The following UGT2B4 variants were observed in gnomAD, a reference collection of about 807,000 sequenced individuals.
The protein encoded by UGT2B4 is UDP glucuronosyltransferase family 2 member B4, also known as UDP-glucuronosyltransferase 2B4.
UGT2B4 carries 49 observed loss-of-function variants against 49.8 expected under a neutral mutation model. The ratio of observed to expected loss-of-function variants is 0.98; its 90% CI spans 0.78 to 1.25. The LOEUF is 1.25. Among genes scored for constraint, UGT2B4 ranks in the 50% most tolerant of loss-of-function variants. UGT2B4 has a pLI of 0.00. For synonymous variants in UGT2B4, 246 were observed against 217.7 expected, an observed-to-expected ratio of 1.13 and a Z score of -1.14; for missense variants, 729 against 627.7, an observed-to-expected ratio of 1.16 and a Z score of -1.73.
intron 1 of UGT2B4, among the ~76,000 whole-genome samples, chr4:69,510,965 T>C (rs1040993547): frequency 2.7e-5 from 4 of 149,432 alleles, no homozygotes; most frequent in Non-Finnish European, 5.9e-5. Context: ...GGGCTTTTCA[T>C]AAATACTCTT....
chr4:69,511,340 A>G (rs934096003), intron 1 of UGT2B4, among the ~76,000 whole-genome samples: 1 of 151,736 alleles, frequency 6.6e-6, no homozygotes. Context: ...TTGTTGAGAG[A>G]CTTTTTTCTT....
intron 1 of UGT2B4, among the ~76,000 whole-genome samples, chr4:69,510,794 T>C (rs987528446): frequency 6.6e-6 from 1 of 152,046 alleles, no homozygotes; most frequent in African/African-American, 2.4e-5. Flanking sequence ...CTGTGTTATA[T>C]ACTTTTATTT....
intron 1 of UGT2B4, among the ~76,000 whole-genome samples, chr4:69,504,001 G>A (rs187157506): frequency 6.6e-6 from 1 of 152,292 alleles, no homozygotes; most frequent in African/African-American, 2.4e-5. Context: ...CAGAAACAAA[G>A]CCAATTGGCT....
At chr4:69,498,083 G>T (rs775252747), upstream of UGT2B4, among the ~76,000 whole-genome samples, 3 of 152,172 alleles carry the variant, frequency 2.0e-5, no homozygotes, top group Non-Finnish European at 4.4e-5. Context: ...TTTAATTAAG[G>T]TGTGTACTTT....
chr4:69,490,715 G>T (rs564849151), intron 2 of UGT2B4, among the ~76,000 whole-genome samples: 7 of 152,216 alleles, frequency 4.6e-5, no homozygotes, highest in Admixed American at 2.6e-4. Context: ...TTTAAAATAT[G>T]ATTTTTAATC....
upstream of UGT2B4, among the ~76,000 whole-genome samples, chr4:69,496,985 A>G (rs1192101944): frequency 6.6e-6 from 1 of 151,884 alleles, no homozygotes; most frequent in Non-Finnish European, 1.5e-5. Context: ...CCTGTAGTAC[A>G]TTCAGTATTA....
intron 1 of UGT2B4, among the ~76,000 whole-genome samples, chr4:69,503,089 G>A (rs542148716): frequency 3.9e-5 from 6 of 152,182 alleles, no homozygotes; most frequent in East Asian, 1.9e-4. Context: ...ACCATCAAAG[G>A]CCATCTCTTT....
chr4:69,497,699 G>A (rs1167883493), upstream of UGT2B4, among the ~76,000 whole-genome samples: 4 of 152,116 alleles, frequency 2.6e-5, no homozygotes, highest in Non-Finnish European at 5.9e-5. Context: ...ATCTACTCCT[G>A]GTGAAGATTA....
intron 3 of UGT2B4, 81 bp from the exon 4 acceptor site, chr4:69,486,777 A>G (rs1727800460): frequency 1.8e-6 from 2 of 1,088,772 alleles, no homozygotes; most frequent in African/African-American, 1.6e-5. Context: ...GAGATTAACA[A>G]TGAGAAGAAC....
intron 1 of UGT2B4, among the ~76,000 whole-genome samples, chr4:69,494,155 C>T (rs935628112): frequency 6.6e-6 from 1 of 151,982 alleles, no homozygotes; most frequent in African/African-American, 2.4e-5. Flanking sequence ...TGTAAACCTT[C>T]GATAGTAGCA....
Position 69,483,059 on chromosome 4 carries a change from T to C in UGT2B4, c.1310+2149A>G, listed in dbSNP as rs548723904. Among the ~76,000 whole-genome samples, 88 of 152,328 alleles carry C rather than the reference T, an allele frequency of 5.8e-4. 1 individual carries two copies. The highest frequency in any genetic ancestry group is 1.9e-3 in the African/African-American group (79 of 41,586). ...ATATAGCAATAGGCTTACAAATTTA[T>C]ACATATATTTTCCTATATAATTGAG... On this transcript the variant is annotated intron_variant, in intron 5 of 5. Transcript: ENST00000305107.
intron 1 of UGT2B4, among the ~76,000 whole-genome samples, chr4:69,494,883 G>C (rs41299984): frequency 1.4e-3 from 219 of 152,204 alleles, no homozygotes; most frequent in African/African-American, 4.8e-3. Context: ...ATTGCTTAAA[G>C]AAATCTTAGG....
intron 1 of UGT2B4, among the ~76,000 whole-genome samples, chr4:69,516,685 C>A (rs181146397): frequency 1.3e-5 from 2 of 151,838 alleles, no homozygotes; most frequent in Non-Finnish European, 2.9e-5. Context: ...CGGCTCACTG[C>A]AACCTCCACC....
chr4:69,489,162 C>A (rs564024908), intron 3 of UGT2B4, among the ~76,000 whole-genome samples: 3 of 152,102 alleles, frequency 2.0e-5, no homozygotes, highest in Admixed American at 2.0e-4. Flanking sequence ...CTTACCTGAC[C>A]CCAGTATCAT....
rs763963351 is a variant in UGT2B4, at chr4:69,493,720, G to C, written c.843C>G (p.His281Gln). Residue 281 changes from histidine (H) to glutamine (Q), a missense_variant, in exon 2 of 6, where the codon CAC becomes CAG. By Grantham distance (24) the His-to-Gln change is conservative. Coordinates refer to ENST00000305107, the MANE Select transcript of UGT2B4 (RefSeq NM_021139.3). The part of the protein sequence containing the change: ...LPNVEFVGGL[H>Q]CKPAKPLPKE... ...TCGGTAGGGGTTTGGCAGGTTTGCA[G>C]TGGAGTCCTCCAACGAACTCAACAT... 2 of 1,609,616 alleles carry C rather than the reference G, an allele frequency of 1.2e-6. No individual in the cohort carries two copies. Among genetic ancestry groups the C allele is most frequent in the Non-Finnish European group, 1.7e-6 (2 of 1,178,386 alleles).
intron 2 of UGT2B4, among the ~76,000 whole-genome samples, chr4:69,491,418 T>C (rs1281034613): frequency 2.0e-5 from 3 of 152,128 alleles, no homozygotes; most frequent in Non-Finnish European, 4.4e-5. Flanking sequence ...ATTTTTTCTC[T>C]GTATGATTTC....
At chr4:69,483,364 C>T (rs1286489356) in intron 5 of UGT2B4, among the ~76,000 whole-genome samples, 4 of 151,982 alleles carry the variant, frequency 2.6e-5, no homozygotes, top group African/African-American at 9.7e-5. Flanking sequence ...ATATAGAATA[C>T]ATATGTATGA....
At chr4:69,515,370 CACACCA>C (rs1299691915) in intron 1 of UGT2B4, among the ~76,000 whole-genome samples, 7 of 152,050 alleles carry the variant, frequency 4.6e-5, no homozygotes, top group African/African-American at 1.7e-4. Context: ...TCACTAAATC[CACACCA>C]ACATATGGAA....
chr4:69,510,838 C>G (rs375955387), intron 1 of UGT2B4, among the ~76,000 whole-genome samples: 1 of 151,936 alleles, frequency 6.6e-6, no homozygotes, highest in Non-Finnish European at 1.5e-5. Context: ...GCTGGTACTC[C>G]AGTACTATGT....
Sources: gnomAD v4.1 joint callset for allele counts (sites outside exome capture counted in the v4.1 genomes callset) on GRCh38, gnomAD v4.1.1 for gene constraint, MANE v1.5 for transcripts, NCBI Gene and HGNC (gene_info 2026-07-23, HGNC 2026-07-21) for gene names.